NEGR1: variants seen among roughly 807,000 people sequenced by gnomAD.
NEGR1 encodes IgLON family member 4.
NEGR1 carries 10 observed loss-of-function variants against 40.9 expected under a neutral mutation model. The observed-to-expected ratio is 0.24, with a 90% CI of 0.15 to 0.42. The LOEUF (loss-of-function observed/expected upper bound fraction) is 0.42. Among genes scored for constraint, NEGR1 ranks in the 10% least tolerant of loss-of-function variants. The pLI is 1.00. For missense variants in NEGR1, 352 were observed against 438.9 expected, an observed-to-expected ratio of 0.80 and a Z score of 1.77; for synonymous variants, 185 against 166.8, an observed-to-expected ratio of 1.11 and a Z score of -0.84.
chr1:72,000,555 A>C (rs1444264543), intron 1 of NEGR1, among the ~76,000 whole-genome samples: 1 of 152,190 alleles, frequency 6.6e-6, no homozygotes, highest in African/African-American at 2.4e-5. Flanking sequence ...TGTGAATTTA[A>C]AACACATTTT....
intron 5 of NEGR1, among the ~76,000 whole-genome samples, chr1:71,596,180 T>C (rs760072253): frequency 1.3e-5 from 2 of 152,194 alleles, no homozygotes; most frequent in African/African-American, 4.8e-5. Context: ...ATTGCGTTTT[T>C]ATCATAGGGA....
chr1:71,487,409 C>T (rs1472356534), intron 6 of NEGR1, among the ~76,000 whole-genome samples: 3 of 151,628 alleles, frequency 2.0e-5, no homozygotes, highest in African/African-American at 7.3e-5. Flanking sequence ...TTCTCTGAAC[C>T]CTTTAAAGTT....
intron 6 of NEGR1, among the ~76,000 whole-genome samples, chr1:71,493,781 A>T (rs964869417): frequency 3.3e-5 from 5 of 152,166 alleles, no homozygotes; most frequent in African/African-American, 1.2e-4. Context: ...TGTTGTGTCA[A>T]AACAAAACTT....
chr1:72,109,918 G>T (rs1415404584), intron 1 of NEGR1, among the ~76,000 whole-genome samples: 1 of 151,552 alleles, frequency 6.6e-6, no homozygotes, highest in Admixed American at 6.6e-5. Context: ...TACTCAGTTT[G>T]TTCCCCCCAT....
rs867529006 is a variant in NEGR1, at chr1:72,108,830, C to T, written c.176+173489G>A. ...GCTCTTTTCTATAATACTTTAAACC[C>T]CTCTAAGTTAGGTATTAATTTTAAT... is the stretch of plus-strand genomic sequence containing the variant. On this transcript the variant is annotated intron_variant, in intron 1 of 6. Transcript: ENST00000357731. Among the ~76,000 whole-genome samples, 12 of 151,636 alleles carry T rather than the reference C, an allele frequency of 7.9e-5. No individual in the cohort carries two copies. The South Asian group carries it at 1.0e-3, about 13-fold the overall frequency.
intron 1 of NEGR1, among the ~76,000 whole-genome samples, chr1:72,250,279 C>A (rs1202754230): frequency 6.6e-6 from 1 of 152,032 alleles, no homozygotes; most frequent in Non-Finnish European, 1.5e-5. Flanking sequence ...ACCCCCCAAG[C>A]CCCACCCACA....
chr1:71,688,272 C>T (rs1267611256), intron 4 of NEGR1, among the ~76,000 whole-genome samples: 2 of 131,226 alleles, frequency 1.5e-5, no homozygotes, highest in Non-Finnish European at 3.1e-5. Context: ...GTTACATTGC[C>T]CGGAAAACAA....
intron 1 of NEGR1, among the ~76,000 whole-genome samples, chr1:72,179,471 G>A (rs1652287592): frequency 6.6e-6 from 1 of 152,066 alleles, no homozygotes; most frequent in Non-Finnish European, 1.5e-5. Context: ...GGGTGGTAAG[G>A]AGAAATTCAT....
intron 2 of NEGR1, among the ~76,000 whole-genome samples, chr1:71,821,236 C>T (rs556281194): frequency 6.6e-6 from 1 of 152,034 alleles, no homozygotes; most frequent in South Asian, 2.1e-4. Flanking sequence ...TAATCCATTA[C>T]ATCAATGATA....
At chr1:72,074,539 G>A (rs138345074) in intron 1 of NEGR1, among the ~76,000 whole-genome samples, 49 of 151,870 alleles carry the variant, frequency 3.2e-4, no homozygotes, top group Non-Finnish European at 1.2e-4. Flanking sequence ...AAGGACTTTT[G>A]CTATACTCCT....
At chr1:71,504,820 C>A (rs189523530) in intron 6 of NEGR1, among the ~76,000 whole-genome samples, 2 of 152,196 alleles carry the variant, frequency 1.3e-5, no homozygotes, top group East Asian at 1.9e-4. Flanking sequence ...ACTGAAGGGT[C>A]ATTCTTATAT....
At chr1:72,158,145 C>A (rs1346470624) in intron 1 of NEGR1, among the ~76,000 whole-genome samples, 1 of 152,128 alleles carries the variant, frequency 6.6e-6, no homozygotes, top group Admixed American at 6.6e-5. Flanking sequence ...TACGTGAGAG[C>A]CAGGCATTCT....
intron 6 of NEGR1, among the ~76,000 whole-genome samples, chr1:71,581,293 A>C (rs2101505462): frequency 6.6e-6 from 1 of 152,300 alleles, no homozygotes; most frequent in South Asian, 2.1e-4. Context: ...TTCATTGTCG[A>C]GACTTAAGAA....
At chr1:71,770,255 G>T (rs1324359640) in intron 3 of NEGR1, among the ~76,000 whole-genome samples, 1 of 152,146 alleles carries the variant, frequency 6.6e-6, no homozygotes, top group East Asian at 1.9e-4. Context: ...TTTTCCTTGA[G>T]ATAAATATTT....
intron 1 of NEGR1, among the ~76,000 whole-genome samples, chr1:71,957,758 C>T (rs936947272): frequency 1.3e-5 from 2 of 152,186 alleles, no homozygotes; most frequent in South Asian, 2.1e-4. Flanking sequence ...ATTTTCTGCT[C>T]AGTACCATCT....
chr1:72,252,278 A>T (rs1557599050), intron 1 of NEGR1, among the ~76,000 whole-genome samples: 1 of 152,074 alleles, frequency 6.6e-6, no homozygotes, highest in Non-Finnish European at 1.5e-5. Context: ...GTCTGACCTA[A>T]CGTGATCCAC....
At chr1:72,076,651 T>G (rs1377191921) in intron 1 of NEGR1, among the ~76,000 whole-genome samples, 1 of 152,052 alleles carries the variant, frequency 6.6e-6, no homozygotes, top group Admixed American at 6.6e-5. Flanking sequence ...TCTCCATATA[T>G]ATGTGTCCGT....
intron 1 of NEGR1, among the ~76,000 whole-genome samples, chr1:72,277,094 G>A (rs1431453543): frequency 6.6e-6 from 1 of 152,040 alleles, no homozygotes; most frequent in East Asian, 1.9e-4. Flanking sequence ...AGGGAGAAAT[G>A]CCCTAGCCCC....
chr1:72,256,378 A>G (rs1472763109), intron 1 of NEGR1, among the ~76,000 whole-genome samples: 3 of 152,208 alleles, frequency 2.0e-5, no homozygotes, highest in Non-Finnish European at 2.9e-5. Flanking sequence ...AATTGTATCT[A>G]TGCACCAGCT....
Sources: gnomAD v4.1 joint callset for allele counts (sites outside exome capture counted in the v4.1 genomes callset) on GRCh38, gnomAD v4.1.1 for gene constraint, MANE v1.5 for transcripts, NCBI Gene and HGNC (gene_info 2026-07-23, HGNC 2026-07-21) for gene names.